The following ASIC2 variants were observed in gnomAD, a reference collection of about 807,000 sequenced individuals.
ASIC2 encodes acid-sensing ion channel 2.
A neutral mutation model predicts 57.3 loss-of-function variants in ASIC2; 25 were observed. The ratio of observed to expected loss-of-function variants is 0.44; its 90% CI spans 0.32 to 0.61. The LOEUF is 0.61. ASIC2 is among the 20% of genes least tolerant of loss of function. The pLI is 0.06. For missense variants in ASIC2, 641 were observed against 738.1 expected (o/e 0.87, Z 1.52); for synonymous variants, 319 against 307.5 (o/e 1.04, Z -0.39).
intron 1 of ASIC2, among the ~76,000 whole-genome samples, chr17:33,711,128 C>G (rs561867973): frequency 2.0e-5 from 3 of 152,046 alleles, no homozygotes; most frequent in Admixed American, 6.6e-5. Flanking sequence ...TGGTTTGAAC[C>G]CTTAGAGTGG....
At chr17:33,703,839 C>T (rs1173985843) in intron 1 of ASIC2, among the ~76,000 whole-genome samples, 2 of 152,128 alleles carry the variant, frequency 1.3e-5, no homozygotes, top group Non-Finnish European at 2.9e-5. Flanking sequence ...CTGTCCTCCC[C>T]CTTAGCTAGG....
chr17:33,602,929 A>G (rs541730478), intron 1 of ASIC2, among the ~76,000 whole-genome samples: 1 of 152,316 alleles, frequency 6.6e-6, no homozygotes, highest in African/African-American at 2.4e-5. Flanking sequence ...CCCACTCTAG[A>G]ATCCTCGCAG....
intron 1 of ASIC2, among the ~76,000 whole-genome samples, chr17:33,778,825 A>G (rs1320168888): frequency 6.6e-6 from 1 of 152,174 alleles, no homozygotes; most frequent in African/African-American, 2.4e-5. Flanking sequence ...ATGAAGTATT[A>G]GTCTCTCTCT....
chr17:33,909,633 G>A (rs554279661), intron 1 of ASIC2, among the ~76,000 whole-genome samples: 23 of 152,298 alleles, frequency 1.5e-4, no homozygotes, highest in African/African-American at 4.6e-4. Flanking sequence ...CCTGGAGTCC[G>A]AAGCTCCTGG....
chr17:33,711,203 C>A (rs1271342627), intron 1 of ASIC2, among the ~76,000 whole-genome samples: 1 of 152,218 alleles, frequency 6.6e-6, no homozygotes, highest in South Asian at 2.1e-4. Context: ...TGCACTGCAG[C>A]CCAGCCTGGA....
intron 1 of ASIC2, among the ~76,000 whole-genome samples, chr17:33,841,961 T>C (rs977312652): frequency 4.6e-5 from 7 of 152,094 alleles, no homozygotes; most frequent in African/African-American, 1.7e-4. Flanking sequence ...GGTGGCAGGC[T>C]GTACAATATA....
At chr17:33,057,526 A>G (rs1025002953) in intron 3 of ASIC2, among the ~76,000 whole-genome samples, 1 of 152,258 alleles carries the variant, frequency 6.6e-6, no homozygotes, top group African/African-American at 2.4e-5. Context: ...ATGCTGGATA[A>G]CATCTTTGCA....
intron 1 of ASIC2, among the ~76,000 whole-genome samples, chr17:33,483,121 A>C (rs527339001): frequency 6.6e-6 from 1 of 152,052 alleles, no homozygotes; most frequent in South Asian, 2.1e-4. Context: ...GGCCTCCTGC[A>C]TCCCCACGCC....
chr17:33,587,040 T>C (rs929845575), intron 1 of ASIC2, among the ~76,000 whole-genome samples: 2 of 152,200 alleles, frequency 1.3e-5, no homozygotes, highest in Admixed American at 6.5e-5. Flanking sequence ...GTTCACAAAC[T>C]ATGGCTCATG....
At chr17:33,603,394 G>T (rs999021844) in intron 1 of ASIC2, among the ~76,000 whole-genome samples, 2 of 141,970 alleles carry the variant, frequency 1.4e-5, no homozygotes, top group Non-Finnish European at 3.1e-5. Flanking sequence ...ACCATTAACT[G>T]CAGAGAAGCT....
chr17:33,960,297 A>G (rs1161450845), intron 1 of ASIC2, among the ~76,000 whole-genome samples: 3 of 152,222 alleles, frequency 2.0e-5, no homozygotes, highest in African/African-American at 7.2e-5. Context: ...GGAGAGGGAC[A>G]TTTGAGCCCC....
intron 1 of ASIC2, among the ~76,000 whole-genome samples, chr17:33,455,486 C>T (rs773700120): frequency 6.6e-6 from 1 of 152,212 alleles, no homozygotes; most frequent in Non-Finnish European, 1.5e-5. Flanking sequence ...ATAATAACCT[C>T]CAGCTGCATC....
At chr17:33,274,291 C>A (rs1209818863) in intron 1 of ASIC2, among the ~76,000 whole-genome samples, 2 of 152,170 alleles carry the variant, frequency 1.3e-5, no homozygotes, top group Non-Finnish European at 2.9e-5. Flanking sequence ...TAGGCAAGGG[C>A]CAGCTGCTTT....
intron 1 of ASIC2, among the ~76,000 whole-genome samples, chr17:33,352,591 C>G (rs551592359): frequency 6.6e-6 from 1 of 152,174 alleles, no homozygotes; most frequent in Non-Finnish European, 1.5e-5. Flanking sequence ...CAAAACCTTG[C>G]AATAGTCTTG....
At chr17:33,054,878 G>C (rs1268225333) in intron 3 of ASIC2, among the ~76,000 whole-genome samples, 1 of 152,150 alleles carries the variant, frequency 6.6e-6, no homozygotes, top group Non-Finnish European at 1.5e-5. Flanking sequence ...TTTTATTTTA[G>C]GGCGTGATGT....
intron 1 of ASIC2, among the ~76,000 whole-genome samples, chr17:33,237,201 C>CA (rs34954542): frequency 4.6e-5 from 7 of 152,060 alleles, no homozygotes; most frequent in African/African-American, 1.7e-4. Context: ...TGTTGGCTTC[C>CA]AAAAAAGTCC....
chr17:33,964,164 G>A (rs1234643554), intron 1 of ASIC2, among the ~76,000 whole-genome samples: 2 of 152,218 alleles, frequency 1.3e-5, no homozygotes, highest in Non-Finnish European at 2.9e-5. Flanking sequence ...CCCATTGGCT[G>A]GCATGAACGT....
chr17:33,478,844 CT>C (rs2141925238), intron 1 of ASIC2, among the ~76,000 whole-genome samples: 1 of 152,270 alleles, frequency 6.6e-6, no homozygotes, highest in Non-Finnish European at 1.5e-5. Context: ...CTAGATGCTT[CT>C]GCTAAACAGA....
At chr17:33,434,133 TA>T (rs1261145547) in intron 1 of ASIC2, among the ~76,000 whole-genome samples, 5 of 151,032 alleles carry the variant, frequency 3.3e-5, no homozygotes, top group Admixed American at 1.3e-4. Flanking sequence ...AATAAATAAA[TA>T]ATAAATAAAT....
Sources: gnomAD v4.1 joint callset for allele counts (sites outside exome capture counted in the v4.1 genomes callset) on GRCh38, gnomAD v4.1.1 for gene constraint, MANE v1.5 for transcripts, NCBI Gene and HGNC (gene_info 2026-07-23, HGNC 2026-07-21) for gene names.